The following CLNK variants were observed in gnomAD, a reference collection of about 807,000 sequenced individuals.
The protein encoded by CLNK is cytokine-dependent hematopoietic cell linker.
In CLNK, 74 loss-of-function variants were observed where a neutral mutation model predicts 68.6. That is an observed-to-expected ratio of 1.08 (90% CI 0.89 to 1.31). CLNK has a LOEUF of 1.31. Among genes scored for constraint, CLNK ranks in the 50% most tolerant of loss-of-function variants. The pLI is 0.00. For missense variants in CLNK, 553 were observed against 515.3 expected (o/e 1.07, Z -0.71); for synonymous variants, 198 against 172.2 (o/e 1.15, Z -1.17).
At chr4:10,696,405 T>C in the CLNK span, among the ~76,000 whole-genome samples, 1 of 152,208 alleles carries the variant, frequency 6.6e-6, no homozygotes, top group Admixed American at 6.5e-5. Context: ...TTAAGCTTCC[T>C]GCTGCAGCAC....
At chr4:10,598,087 C>A in intron 2 of CLNK, 38 bp from the exon 3 acceptor site, 3 of 1,420,046 alleles carry the variant, frequency 2.1e-6, no homozygotes, top group South Asian at 2.5e-5. Flanking sequence ...TGGGAAATAG[C>A]AAGAAGCTAG....
At chr4:10,544,966 C>A (rs1348782748) in intron 8 of CLNK, among the ~76,000 whole-genome samples, 1 of 152,104 alleles carries the variant, frequency 6.6e-6, no homozygotes, top group African/African-American at 2.4e-5. Flanking sequence ...ATTCATTAAT[C>A]TGTGAATGGA....
At position 10,510,039 on chromosome 4, in the gene CLNK, A is replaced by G. The variant is rs113682634; in HGVS notation, c.907-2003T>C. Among the ~76,000 whole-genome samples, 362 of 152,342 alleles carry G rather than the reference A, an allele frequency of 2.4e-3. 2 individuals are homozygous for G. The highest frequency in any genetic ancestry group is 7.9e-3 in the African/African-American group (329 of 41,586). ...TTCCAGGGGACCTCTTGGCCAGTCC[A>G]GGGACTTGGAAGAACTCAGTCATGG... On this transcript the variant is annotated intron_variant, in intron 16 of 18. Coordinates refer to ENST00000226951, the MANE Select transcript of CLNK (RefSeq NM_052964.4).
intron 5 of CLNK, among the ~76,000 whole-genome samples, chr4:10,568,458 C>CA (rs983866511): frequency 1.4e-4 from 22 of 151,850 alleles, no homozygotes; most frequent in African/African-American, 4.3e-4. Context: ...TGTGAATATA[C>CA]AAAAAAACCA....
chr4:10,725,905 C>T, the CLNK span, among the ~76,000 whole-genome samples: 117 of 151,612 alleles, frequency 7.7e-4, no homozygotes, highest in African/African-American at 2.5e-3. Flanking sequence ...CCTATAAATG[C>T]GGTATTGCAG....
intron 15 of CLNK, among the ~76,000 whole-genome samples, chr4:10,515,321 G>C (rs1366415547): frequency 6.6e-6 from 1 of 151,970 alleles, no homozygotes; most frequent in Non-Finnish European, 1.5e-5. Context: ...GCTCTGAATG[G>C]ACTGTCTACT....
At chr4:10,630,519 G>C (rs1046219407) in intron 2 of CLNK, among the ~76,000 whole-genome samples, 1 of 151,992 alleles carries the variant, frequency 6.6e-6, no homozygotes, top group Non-Finnish European at 1.5e-5. Context: ...AAATTTTGGA[G>C]CCACTGTCTC....
At chr4:10,724,850 T>C in the CLNK span, among the ~76,000 whole-genome samples, 66,440 of 152,014 alleles carry the variant, frequency 0.44, 15,121 homozygotes, top group Middle Eastern at 0.58. Context: ...CTCCTAGTGA[T>C]CCAGCAGACC....
At chr4:10,642,436 T>C (rs951050279) in intron 2 of CLNK, among the ~76,000 whole-genome samples, 3 of 151,942 alleles carry the variant, frequency 2.0e-5, no homozygotes, top group African/African-American at 4.8e-5. Context: ...TTCTGGAGAG[T>C]CATTTAATTT....
chr4:10,645,536 C>A (rs145074790), intron 2 of CLNK, among the ~76,000 whole-genome samples: 1 of 152,086 alleles, frequency 6.6e-6, no homozygotes, highest in African/African-American at 2.4e-5. Flanking sequence ...TACTTAACTG[C>A]CTAATCATTT....
intron 2 of CLNK, among the ~76,000 whole-genome samples, chr4:10,612,760 A>C (rs1722080733): frequency 6.6e-6 from 1 of 152,214 alleles, no homozygotes; most frequent in Non-Finnish European, 1.5e-5. Context: ...AGCACTTATC[A>C]AAAGATAATC....
chr4:10,634,918 C>G (rs1364481676), intron 2 of CLNK, among the ~76,000 whole-genome samples: 4 of 152,184 alleles, frequency 2.6e-5, no homozygotes, highest in African/African-American at 9.7e-5. Context: ...AAAGGCCTCT[C>G]CCCCTTGCAT....
intron 5 of CLNK, among the ~76,000 whole-genome samples, chr4:10,568,083 C>A (rs1422820389): frequency 6.6e-6 from 1 of 152,122 alleles, no homozygotes; most frequent in Non-Finnish European, 1.5e-5. Context: ...AAAACTAGCA[C>A]ATGTTTATAG....
chr4:10,687,414 A>G (rs1169878758), upstream of CLNK, among the ~76,000 whole-genome samples: 1 of 152,122 alleles, frequency 6.6e-6, no homozygotes, highest in African/African-American at 2.4e-5. Context: ...GGTGTTGACA[A>G]TAGGTAGAAA....
intron 4 of CLNK, among the ~76,000 whole-genome samples, chr4:10,577,887 C>T (rs188373907): frequency 3.3e-5 from 5 of 152,218 alleles, no homozygotes; most frequent in Admixed American, 2.6e-4. Context: ...TTGGCAGTAA[C>T]ATAGCAGAGC....
At position 10,577,216 on chromosome 4, in the gene CLNK, G is replaced by T. The variant is rs569210519; in HGVS notation, c.113-5438C>A. 3.9e-5 allele frequency among the ~76,000 whole-genome samples: 6 copies of T among 152,336 alleles called. No homozygotes were observed. The East Asian group carries it at 1.2e-3, about 29-fold the overall frequency. ...GTTCCCCAAGCAAAACCAGCTTCCG[G>T]TTTCATTTCAGTTTCAAGAGAAGAC... On this transcript the variant is annotated intron_variant, in intron 4 of 18. Transcript: ENST00000226951.
At chr4:10,578,763 GA>G (rs1720671383) in intron 4 of CLNK, among the ~76,000 whole-genome samples, 1 of 151,678 alleles carries the variant, frequency 6.6e-6, no homozygotes, top group African/African-American at 2.4e-5. Context: ...GTAAAGATGG[GA>G]TTTTACCATG....
the CLNK span, among the ~76,000 whole-genome samples, chr4:10,699,907 T>A: frequency 6.6e-6 from 1 of 152,108 alleles, no homozygotes; most frequent in East Asian, 1.9e-4. Context: ...TTTTTATTGG[T>A]ATTATTTTTC....
At chr4:10,540,368 G>A in intron 11 of CLNK, 126 bp downstream of exon 11, 1 of 662,324 alleles carries the variant, frequency 1.5e-6, no homozygotes. Flanking sequence ...GTCTTTGAAT[G>A]GACCAATACA....
Sources: gnomAD v4.1 joint callset for allele counts (sites outside exome capture counted in the v4.1 genomes callset) on GRCh38, gnomAD v4.1.1 for gene constraint, MANE v1.5 for transcripts, NCBI Gene and HGNC (gene_info 2026-07-23, HGNC 2026-07-21) for gene names.